The following SLC9A2 variants were observed in gnomAD, a reference collection of about 807,000 sequenced individuals.
SLC9A2 encodes the protein sodium/hydrogen exchanger 2.
Under a neutral mutation model 71.7 loss-of-function variants are expected in SLC9A2, and 42 were observed. That is an observed-to-expected ratio of 0.59 (90% CI 0.46 to 0.76). SLC9A2 has a LOEUF of 0.76. SLC9A2 is among the 30% of genes least tolerant of loss of function. The pLI is 0.00. For synonymous variants in SLC9A2, 396 were observed against 392.5 expected (o/e 1.01, Z -0.10); for missense variants, 829 against 1,017.4 (o/e 0.81, Z 2.52).
chr2:102,687,173 C>A (rs1677562372), intron 5 of SLC9A2, among the ~76,000 whole-genome samples: 1 of 152,174 alleles, frequency 6.6e-6, no homozygotes, highest in Non-Finnish European at 1.5e-5. Flanking sequence ...TCTGCCTACC[C>A]TTCTGTGTGC....
At chr2:102,645,634 G>A (rs964550586) in intron 1 of SLC9A2, among the ~76,000 whole-genome samples, 3 of 152,006 alleles carry the variant, frequency 2.0e-5, no homozygotes, top group African/African-American at 7.2e-5. Context: ...GAAAATCACA[G>A]CATGAGAACT....
At position 102,619,807 on chromosome 2, in the gene SLC9A2, A is replaced by T; in HGVS notation, c.-42A>T. Reference sequence around the variant, plus strand: ...CGGGCGCGATGCGTTGAGCGCTCGGAGGGCCAACCGCCGGTCCCCTTGGCG... The same window carrying T: ...CGGGCGCGATGCGTTGAGCGCTCGGTGGGCCAACCGCCGGTCCCCTTGGCG... On this transcript the variant is annotated 5_prime_UTR_variant, in exon 1 of 12. Coordinates refer to ENST00000233969, the MANE Select transcript of SLC9A2 (RefSeq NM_003048.6). This position sits in a 1 kb window ranked among gnomAD's most constrained non-coding sequence, Gnocchi z 4.3. 2.1e-6 allele frequency: 3 copies of T among 1,449,828 alleles called. No homozygotes were observed. The highest frequency in any genetic ancestry group is 2.7e-6 in the Non-Finnish European group (3 of 1,102,778). 89.8% of individuals were successfully genotyped at this position (1,449,828 alleles called of 1,614,324 possible).
intron 3 of SLC9A2, among the ~76,000 whole-genome samples, chr2:102,678,803 T>C (rs1454270400): frequency 6.6e-6 from 1 of 152,322 alleles, no homozygotes; most frequent in East Asian, 1.9e-4. Flanking sequence ...TATACTGTGA[T>C]GGTGATGACT....
At chr2:102,692,061 T>C (rs1677674428) in intron 5 of SLC9A2, among the ~76,000 whole-genome samples, 1 of 152,254 alleles carries the variant, frequency 6.6e-6, no homozygotes, top group African/African-American at 2.4e-5. Flanking sequence ...AATCTGGAAC[T>C]TAGTGAATTC....
intron 3 of SLC9A2, among the ~76,000 whole-genome samples, chr2:102,671,100 C>T (rs968998667): frequency 6.6e-6 from 1 of 152,160 alleles, no homozygotes; most frequent in East Asian, 1.9e-4. Context: ...AGGATGCCAA[C>T]TGACCCTCAT....
rs10687841 is a variant in SLC9A2 at position 102,670,849 on chromosome 2, CT to C, written c.1004+5520del. On this transcript the variant is annotated intron_variant, in intron 3 of 11. Coordinates refer to ENST00000233969, the MANE Select transcript of SLC9A2 (RefSeq NM_003048.6). ...TTTGAGAAAAAAATAGGAAGGCATGCTTTTTTTTTTTTTTTTTTTTTGCCTA... is the reference window on the plus strand; with the variant it reads ...TTTGAGAAAAAAATAGGAAGGCATGCTTTTTTTTTTTTTTTTTTTTGCCTA... Among the ~76,000 whole-genome samples the C allele has an allele frequency of 6.9e-3, 523 of 75,862 alleles. 3 individuals carry two copies. Among genetic ancestry groups the C allele is most frequent in the African/African-American group, 0.023 (484 of 20,682 alleles). 49.8% of individuals were successfully genotyped at this position (75,862 alleles called of 152,430 possible).
intron 1 of SLC9A2, among the ~76,000 whole-genome samples, chr2:102,634,297 G>A (rs2104503257): frequency 1.3e-5 from 2 of 152,196 alleles, no homozygotes; most frequent in African/African-American, 2.4e-5. Flanking sequence ...ACTATTATTG[G>A]ATATACTTTT....
intron 3 of SLC9A2, among the ~76,000 whole-genome samples, chr2:102,667,705 G>A (rs773868956): frequency 1.4e-4 from 21 of 152,178 alleles, no homozygotes; most frequent in Non-Finnish European, 2.6e-4. Context: ...GTGGGCCTTT[G>A]TTTCCAACTT....
At chr2:102,675,514 G>A (rs12622942) in intron 3 of SLC9A2, among the ~76,000 whole-genome samples, 24 of 152,214 alleles carry the variant, frequency 1.6e-4, no homozygotes, top group Non-Finnish European at 2.9e-4. Context: ...TGTAGGTCAC[G>A]GCTCCAGTCT....
intron 1 of SLC9A2, among the ~76,000 whole-genome samples, chr2:102,643,870 G>T (rs1223118692): frequency 3.3e-5 from 5 of 151,204 alleles, no homozygotes; most frequent in Admixed American, 2.0e-4. Flanking sequence ...CAGCATGGGA[G>T]TTTTGACCTG....
rs1677726117 is a variant in SLC9A2 at position 102,694,944 on chromosome 2, A to G, written c.1516-99A>G. The G allele has an allele frequency of 7.3e-6, 7 of 955,470 alleles. No individual in the cohort carries two copies. The East Asian group carries it at 1.4e-4, about 20-fold the overall frequency. The allele number at this position is 955,470 out of a possible 1,614,324, so 59.2% of individuals were successfully genotyped here. A position where few individuals can be genotyped will look rare whatever the true frequency, so the allele number is the denominator to read the frequency against. On this transcript the variant is annotated intron_variant, in intron 6 of 11. Transcript: ENST00000233969. ...AAATAATAAACAAATAAGAAGCAAA[A>G]GCCATGAAGGTCTTTGGAGTTTAGA... is the stretch of plus-strand genomic sequence containing the variant.
chr2:102,697,468 G>A (rs1231144419), intron 7 of SLC9A2: 1 of 151,820 alleles, frequency 6.6e-6, no homozygotes, highest in Non-Finnish European at 1.5e-5. Flanking sequence ...TGCCTGAAAG[G>A]TAATGTTACA....
intron 4 of SLC9A2, 124 bp from the exon 5 acceptor site, chr2:102,684,010 A>C (rs1019071870): frequency 2.5e-5 from 17 of 685,852 alleles, no homozygotes; most frequent in Non-Finnish European, 3.8e-5. Flanking sequence ...GAAAAAGGGG[A>C]AAGACTTTGG....
At chr2:102,696,213 A>T (rs1460597538) in intron 7 of SLC9A2, among the ~76,000 whole-genome samples, 1 of 152,096 alleles carries the variant, frequency 6.6e-6, no homozygotes, top group African/African-American at 2.4e-5. Flanking sequence ...AATGCTACAA[A>T]TCAAGGCCCT....
rs1676965739 is a variant in SLC9A2, at chr2:102,657,458, G to T, written c.290-106G>T. The T allele has an allele frequency of 3.2e-5, 22 of 683,898 alleles. No homozygotes were observed. The South Asian group carries it at 4.3e-4, about 13-fold the overall frequency. 42.4% of individuals were successfully genotyped at this position (683,898 alleles called of 1,614,324 possible). On this transcript the variant is annotated intron_variant, in intron 1 of 11. Coordinates refer to ENST00000233969, the MANE Select transcript of SLC9A2 (RefSeq NM_003048.6). ...TTGTAAAGACAGTGATACTGACTTGGGAGATGGTGAAACAGGACCCACTGG... is the reference window on the plus strand; with the variant it reads ...TTGTAAAGACAGTGATACTGACTTGTGAGATGGTGAAACAGGACCCACTGG...
At chr2:102,668,110 A>C (rs985253398) in intron 3 of SLC9A2, among the ~76,000 whole-genome samples, 7 of 152,148 alleles carry the variant, frequency 4.6e-5, no homozygotes, top group Admixed American at 3.9e-4. Flanking sequence ...TAAAATTGTC[A>C]TGGCTTATAG....
intron 2 of SLC9A2, among the ~76,000 whole-genome samples, chr2:102,659,388 C>T (rs1677010449): frequency 6.6e-6 from 1 of 151,892 alleles, no homozygotes; most frequent in East Asian, 1.9e-4. Context: ...TTGCAATGAG[C>T]CAAGATCATA....
In SLC9A2 at chr2:102,619,841, C is replaced by T; in HGVS notation, c.-8C>T. The stretch of plus-strand genomic sequence containing the variant: ...CGCCGGTCCCCTTGGCGGCAACCGG[C>T]GGCACCCATGGAACCACTGGGCAAC... On this transcript the variant is annotated 5_prime_UTR_variant, in exon 1 of 12. Coordinates refer to ENST00000233969, the MANE Select transcript of SLC9A2 (RefSeq NM_003048.6). The surrounding 1 kb of genome is among the most constrained non-coding windows in gnomAD (Gnocchi z 4.3). 6.7e-7 allele frequency: 1 copy of T among 1,487,534 alleles called. No individual in the cohort carries two copies. The highest frequency in any genetic ancestry group is 1.4e-5 in the African/African-American group (1 of 71,212). 92.1% of individuals were successfully genotyped at this position (1,487,534 alleles called of 1,614,324 possible).
intron 1 of SLC9A2, among the ~76,000 whole-genome samples, chr2:102,654,958 C>G (rs1392579470): frequency 6.6e-6 from 1 of 152,110 alleles, no homozygotes; most frequent in Non-Finnish European, 1.5e-5. Context: ...AAGTGGTATA[C>G]CTGTATAAGG....
Sources: allele counts gnomAD v4.1 joint callset (sites outside exome capture counted in the v4.1 genomes callset), GRCh38; gene constraint gnomAD v4.1.1; non-coding constraint Gnocchi (gnomAD v3.1); transcripts MANE v1.5; gene names NCBI Gene and HGNC (gene_info 2026-07-23, HGNC 2026-07-21).